ARHGAP42: variants seen among roughly 807,000 people sequenced by gnomAD.
ARHGAP42 encodes the protein Rho GTPase activating protein 42, also known as rho GTPase-activating protein 42.
In ARHGAP42, 63 loss-of-function variants were observed where a neutral mutation model predicts 125.0. The ratio of observed to expected loss-of-function variants is 0.50; its 90% CI spans 0.41 to 0.62. The LOEUF is 0.62. Among genes scored for constraint, ARHGAP42 ranks in the 20% least tolerant of loss-of-function variants. The pLI is 0.00. For synonymous variants in ARHGAP42, 339 were observed against 351.0 expected, an observed-to-expected ratio of 0.97 and a Z score of 0.38; for missense variants, 766 against 1,024.2, an observed-to-expected ratio of 0.75 and a Z score of 3.44.
At chr11:100,971,206 T>C (rs536128868) in intron 17 of ARHGAP42, among the ~76,000 whole-genome samples, 2 of 152,282 alleles carry the variant, frequency 1.3e-5, no homozygotes, top group South Asian at 2.1e-4. Flanking sequence ...ATAGAGACTT[T>C]AACTGTTTTT....
intron 6 of ARHGAP42, 46 bp from the exon 7 acceptor site, chr11:100,933,109 TC>T: frequency 7.9e-7 from 1 of 1,267,836 alleles, no homozygotes; most frequent in Non-Finnish European, 1.1e-6. Flanking sequence ...CATTAAATGA[TC>T]ATTAAAACAC....
chr11:100,899,906 A>G (rs1463455228), intron 4 of ARHGAP42, among the ~76,000 whole-genome samples: 1 of 151,624 alleles, frequency 6.6e-6, no homozygotes, highest in East Asian at 1.9e-4. Flanking sequence ...GCCCATTCAC[A>G]TTCAATGTTA....
At chr11:100,936,160 G>A (rs1369421272) in intron 7 of ARHGAP42, 43 bp from the exon 8 acceptor site, 1 of 1,546,470 alleles carries the variant, frequency 6.5e-7, no homozygotes, top group East Asian at 2.4e-5. Flanking sequence ...GCTGAAACTT[G>A]GTAGAAAATA....
chr11:100,807,742 A>G (rs1864032926), intron 3 of ARHGAP42, among the ~76,000 whole-genome samples: 1 of 151,914 alleles, frequency 6.6e-6, no homozygotes, highest in East Asian at 1.9e-4. Flanking sequence ...TAGTTCTTTC[A>G]TTTTCCTGCC....
intron 4 of ARHGAP42, among the ~76,000 whole-genome samples, chr11:100,870,673 C>A (rs182812980): frequency 6.6e-6 from 1 of 152,102 alleles, no homozygotes; most frequent in Non-Finnish European, 1.5e-5. Context: ...TTGGAAAACA[C>A]AAACAAGTAC....
rs138568884 is a variant in ARHGAP42, at chr11:100,989,847, C to T, written c.*1046C>T. 3.1e-4 allele frequency: 47 copies of T among 152,236 alleles called. No homozygotes were observed. Among genetic ancestry groups the T allele is most frequent in the African/African-American group, 1.1e-3 (45 of 41,564 alleles). The allele number at this position is 152,236 out of a possible 1,614,324, so 9.4% of individuals were successfully genotyped here. A position where few individuals can be genotyped will look rare whatever the true frequency, so the allele number is the denominator to read the frequency against. Reference sequence around the variant, plus strand: ...AAAAACGTTACAAGGGAAGCTATGCCTTCTGAAGTCTATCCTTAGTTGAAA... The same window carrying T: ...AAAAACGTTACAAGGGAAGCTATGCTTTCTGAAGTCTATCCTTAGTTGAAA... On this transcript the variant is annotated 3_prime_UTR_variant, in exon 24 of 24. Transcript: ENST00000298815.
intron 3 of ARHGAP42, among the ~76,000 whole-genome samples, chr11:100,829,345 G>A (rs1864606117): frequency 6.7e-6 from 1 of 150,086 alleles, no homozygotes; most frequent in Non-Finnish European, 1.5e-5. Flanking sequence ...GGGTGAGAGA[G>A]CAAGACCCTG....
intron 2 of ARHGAP42, among the ~76,000 whole-genome samples, chr11:100,771,964 A>G (rs1781600941): frequency 1.3e-5 from 2 of 152,170 alleles, no homozygotes; most frequent in Admixed American, 1.3e-4. Flanking sequence ...TTTGAAAGTA[A>G]TGTCCACACT....
At chr11:100,928,526 C>T (rs971540192) in intron 6 of ARHGAP42, among the ~76,000 whole-genome samples, 5 of 151,728 alleles carry the variant, frequency 3.3e-5, no homozygotes, top group Non-Finnish European at 5.9e-5. Context: ...GTCAAAACTG[C>T]AGTGAACTCT....
intron 2 of ARHGAP42, among the ~76,000 whole-genome samples, chr11:100,781,475 A>G (rs1863309170): frequency 1.3e-5 from 2 of 152,180 alleles, no homozygotes; most frequent in South Asian, 4.1e-4. Context: ...TAGAACCTTG[A>G]TAACTGGCTC....
At chr11:100,854,158 G>T in intron 3 of ARHGAP42, among the ~76,000 whole-genome samples, 1 of 152,080 alleles carries the variant, frequency 6.6e-6, no homozygotes, top group East Asian at 1.9e-4. Context: ...AAAAATAAAT[G>T]GGAGTATTCT....
intron 4 of ARHGAP42, among the ~76,000 whole-genome samples, chr11:100,875,753 C>G: frequency 9.4e-6 from 1 of 106,550 alleles, no homozygotes; most frequent in East Asian, 2.8e-4. Context: ...TGGCCACGTC[C>G]AGGGTGGCGG....
intron 3 of ARHGAP42, among the ~76,000 whole-genome samples, chr11:100,853,222 C>T (rs1423606233): frequency 6.6e-6 from 1 of 152,086 alleles, no homozygotes; most frequent in African/African-American, 2.4e-5. Flanking sequence ...CCTAATTTGA[C>T]CTTTCACATA....
rs878861697 is a variant in ARHGAP42 at position 100,993,190 on chromosome 11, G to C, written c.*4389G>C. 3.6e-5 allele frequency: 6 copies of C among 167,656 alleles called. No homozygotes were observed. The East Asian group carries it at 9.7e-4, about 27-fold the overall frequency. The allele number at this position is 167,656 out of a possible 1,614,324, so 10.4% of individuals were successfully genotyped here. On this transcript the variant is annotated 3_prime_UTR_variant, in exon 24 of 24. Transcript: ENST00000298815. ...ATCTTTCATGAGTGTTTCCCATGGT[G>C]TTTTTGCATCCAGAGTTGACAACAA...
chr11:100,811,419 C>T (rs73575601), intron 3 of ARHGAP42, among the ~76,000 whole-genome samples: 4,863 of 151,736 alleles, frequency 0.032, 251 homozygotes, highest in African/African-American at 0.11. Flanking sequence ...GCCAAAATCA[C>T]GGAAGTAGAA....
chr11:100,857,926 C>T (rs936003956), intron 3 of ARHGAP42, among the ~76,000 whole-genome samples: 3 of 152,078 alleles, frequency 2.0e-5, no homozygotes, highest in African/African-American at 7.2e-5. Flanking sequence ...GGACTTATTG[C>T]AATTTCCAGC....
Position 100,976,812 on chromosome 11 carries a change from T to C in ARHGAP42, c.2237-3T>C. The C allele has an allele frequency of 6.5e-7, 1 of 1,549,646 alleles. No homozygotes were observed. The highest frequency in any genetic ancestry group is 8.7e-7 in the Non-Finnish European group (1 of 1,146,520). ...TGCCTATTTTCTTGGGCTTTCTTTT[T>C]AGGAAACAAGAGCTACAGTGGATCT... On this transcript the variant is annotated splice_polypyrimidine_tract_variant and splice_region_variant and intron_variant, in intron 20 of 23. Coordinates refer to ENST00000298815, the MANE Select transcript of ARHGAP42 (RefSeq NM_152432.4).
intron 3 of ARHGAP42, among the ~76,000 whole-genome samples, chr11:100,824,496 G>C (rs1311280501): frequency 6.6e-6 from 1 of 152,114 alleles, no homozygotes; most frequent in Non-Finnish European, 1.5e-5. Context: ...TATTGCACTA[G>C]CTTCTACACT....
intron 4 of ARHGAP42, among the ~76,000 whole-genome samples, chr11:100,861,636 A>G (rs1865447299): frequency 6.6e-6 from 1 of 152,176 alleles, no homozygotes; most frequent in Non-Finnish European, 1.5e-5. Flanking sequence ...TAGTAGGAGA[A>G]GGTTTCGGGA....
Sources: gnomAD v4.1 joint callset for allele counts (sites outside exome capture counted in the v4.1 genomes callset) on GRCh38, gnomAD v4.1.1 for gene constraint, MANE v1.5 for transcripts, NCBI Gene and HGNC (gene_info 2026-07-23, HGNC 2026-07-21) for gene names.